SENP6: variants seen among roughly 807,000 people sequenced by gnomAD.
The protein encoded by SENP6 is sentrin-specific protease 6.
SENP6 carries 41 observed loss-of-function variants against 134.5 expected under a neutral mutation model. The ratio of observed to expected loss-of-function variants is 0.30; its 90% CI spans 0.24 to 0.40. The LOEUF (loss-of-function observed/expected upper bound fraction) is 0.40. SENP6 is among the 10% of genes least tolerant of loss of function. The probability of loss-of-function intolerance (pLI) is 1.00; values close to 1 mark genes in which losing one functional copy is unlikely to be tolerated. For missense variants in SENP6, 1,248 were observed against 1,312.5 expected, an observed-to-expected ratio of 0.95 and a Z score of 0.76; for synonymous variants, 395 against 429.8, an observed-to-expected ratio of 0.92 and a Z score of 1.00.
At chr6:75,693,606 T>C (rs918863419) in intron 16 of SENP6, among the ~76,000 whole-genome samples, 1 of 152,192 alleles carries the variant, frequency 6.6e-6, no homozygotes, top group Non-Finnish European at 1.5e-5. Context: ...TATTATCTTC[T>C]GTAGGGGCAC....
intron 9 of SENP6, among the ~76,000 whole-genome samples, chr6:75,666,018 C>G (rs1396912122): frequency 6.8e-6 from 1 of 147,100 alleles, no homozygotes; most frequent in African/African-American, 2.5e-5. Flanking sequence ...GAATGAGATT[C>G]CATCTCAAAA....
chr6:75,626,579 C>G (rs761252292), intron 3 of SENP6, among the ~76,000 whole-genome samples: 1 of 152,066 alleles, frequency 6.6e-6, no homozygotes, highest in Non-Finnish European at 1.5e-5. Context: ...TTTGCTATTA[C>G]GTATAAGACT....
Position 75,633,732 on chromosome 6 carries a change from G to T in SENP6, c.353+6G>T. 1 of 1,594,306 alleles carries T rather than the reference G, an allele frequency of 6.3e-7. No homozygotes were observed. Among genetic ancestry groups the T allele is most frequent in the Non-Finnish European group, 8.5e-7 (1 of 1,173,742 alleles). On this transcript the variant is annotated splice_donor_region_variant and intron_variant, in intron 4 of 23. Coordinates refer to ENST00000447266, the MANE Select transcript of SENP6 (RefSeq NM_015571.4). Reference sequence around the variant, plus strand: ...AGCAACAATAAGAAATTGAGGTATAGGCACTTCACCACACATTCCTACAGA... The same window carrying T: ...AGCAACAATAAGAAATTGAGGTATATGCACTTCACCACACATTCCTACAGA...
chr6:75,686,906 G>A (rs1280129923), intron 16 of SENP6, among the ~76,000 whole-genome samples: 2 of 152,112 alleles, frequency 1.3e-5, no homozygotes, highest in African/African-American at 2.4e-5. Flanking sequence ...GTATCTTTGT[G>A]GTGTTCTCTG....
rs1156612150 is a variant in SENP6 at position 75,716,177 on chromosome 6, T to G, written c.*583T>G. 2.0e-5 allele frequency: 3 copies of G among 151,908 alleles called. No homozygotes were observed. Among genetic ancestry groups the G allele is most frequent in the Non-Finnish European group, 2.9e-5 (2 of 67,850 alleles). The allele number at this position is 151,908 out of a possible 1,614,324, so 9.4% of individuals were successfully genotyped here. Reference sequence around the variant, plus strand: ...AGAAATGTAATAAATATTTGTAATTTTACACAAATATTTAAGAGGAAAGAG... The same window carrying G: ...AGAAATGTAATAAATATTTGTAATTGTACACAAATATTTAAGAGGAAAGAG... On this transcript the variant is annotated 3_prime_UTR_variant, in exon 24 of 24. Coordinates refer to ENST00000447266, the MANE Select transcript of SENP6 (RefSeq NM_015571.4).
At chr6:75,709,757 C>A in intron 20 of SENP6, 127 bp downstream of exon 20, 1 of 544,840 alleles carries the variant, frequency 1.8e-6, no homozygotes, top group Non-Finnish European at 3.2e-6. Flanking sequence ...ATCTCTTGAG[C>A]CTAGGAGTTT....
chr6:75,711,984 T>C (rs991514038), intron 21 of SENP6, among the ~76,000 whole-genome samples: 2 of 152,206 alleles, frequency 1.3e-5, no homozygotes, highest in African/African-American at 4.8e-5. Flanking sequence ...CAAGTTTTGA[T>C]AGTGAACCAC....
chr6:75,629,326 G>A (rs1007159339), intron 3 of SENP6, among the ~76,000 whole-genome samples: 3 of 151,492 alleles, frequency 2.0e-5, no homozygotes, highest in Admixed American at 1.3e-4. Context: ...TTTTGAGACA[G>A]AGTCTCCTGG....
chr6:75,626,876 A>G (rs1309287707), intron 3 of SENP6, among the ~76,000 whole-genome samples: 1 of 152,076 alleles, frequency 6.6e-6, no homozygotes, highest in African/African-American at 2.4e-5. Context: ...AATTTAAACA[A>G]CTTTTAACAT....
chr6:75,611,619 T>C (rs1201174283), intron 1 of SENP6: 1 of 152,252 alleles, frequency 6.6e-6, no homozygotes, highest in African/African-American at 2.4e-5. Flanking sequence ...TTGGAACTAC[T>C]TATCTCATGC....
intron 1 of SENP6, among the ~76,000 whole-genome samples, chr6:75,602,921 C>T (rs143223098): frequency 1.1e-3 from 165 of 152,260 alleles, no homozygotes; most frequent in African/African-American, 3.9e-3. Flanking sequence ...CACATCTTGT[C>T]TGGTGTTCAT....
intron 10 of SENP6, 63 bp from the exon 11 acceptor site, chr6:75,670,490 T>C: frequency 8.0e-7 from 1 of 1,246,888 alleles, no homozygotes; most frequent in African/African-American, 1.5e-5. Flanking sequence ...TGCATATGTT[T>C]ATACTTAGCT....
intron 1 of SENP6, among the ~76,000 whole-genome samples, chr6:75,607,249 T>C (rs1767096308): frequency 6.6e-6 from 1 of 151,744 alleles, no homozygotes; most frequent in South Asian, 2.1e-4. Flanking sequence ...CAGTGAGCCA[T>C]GATCGTACCA....
chr6:75,701,510 G>T (rs1237573984), intron 18 of SENP6, among the ~76,000 whole-genome samples: 2 of 151,182 alleles, frequency 1.3e-5, no homozygotes, highest in East Asian at 2.0e-4. Flanking sequence ...ACATATTTTT[G>T]ATATTAAGCC....
intron 6 of SENP6, among the ~76,000 whole-genome samples, chr6:75,642,664 G>C (rs1241707921): frequency 6.6e-6 from 1 of 152,216 alleles, no homozygotes; most frequent in Non-Finnish European, 1.5e-5. Flanking sequence ...TTTTATATTA[G>C]TGCGATAGAA....
intron 8 of SENP6, 45 bp from the exon 9 acceptor site, chr6:75,663,176 G>GA (rs779645964): frequency 1.9e-6 from 3 of 1,553,260 alleles, no homozygotes; most frequent in Admixed American, 2.0e-5. Flanking sequence ...AAAGGAAAAA[G>GA]AAAATCAGAC....
At position 75,711,406 on chromosome 6, in the gene SENP6, A is replaced by C; in HGVS notation, c.2899A>C (p.Ile967Leu). 1 of 1,607,368 alleles carries C rather than the reference A, an allele frequency of 6.2e-7. No homozygotes were observed. Among genetic ancestry groups the C allele is most frequent in the Non-Finnish European group, 8.5e-7 (1 of 1,174,550 alleles). ...AGGACAGTGGCATTTAAAGCCTACT[A>C]TCTGTAAACAGTAAGCATTAACTGT... ...EIGQWHLKPT[I>L]CKQPCILLMD... The change falls in exon 21 of 24, where the codon ATC becomes CTC. Residue 967 changes from isoleucine to leucine, a missense_variant. Physicochemically the swap from Ile to Leu is conservative, Grantham distance 5. Transcript: ENST00000447266.
At chr6:75,689,034 C>G (rs1287008817) in intron 16 of SENP6, among the ~76,000 whole-genome samples, 1 of 152,166 alleles carries the variant, frequency 6.6e-6, no homozygotes, top group Non-Finnish European at 1.5e-5. Context: ...CCATTGAACT[C>G]CAGCCTGGGC....
chr6:75,670,399 C>G (rs1772576983), intron 10 of SENP6, among the ~76,000 whole-genome samples, 154 bp from the exon 11 acceptor site: 1 of 152,112 alleles, frequency 6.6e-6, no homozygotes, highest in South Asian at 2.1e-4. Context: ...ATATAAAAAC[C>G]ATGAATTTTA....
Sources: gnomAD v4.1 joint callset for allele counts (sites outside exome capture counted in the v4.1 genomes callset) on GRCh38, gnomAD v4.1.1 for gene constraint, MANE v1.5 for transcripts, NCBI Gene and HGNC (gene_info 2026-07-23, HGNC 2026-07-21) for gene names.